The following UROC1 variants were observed in gnomAD, a reference collection of about 807,000 sequenced individuals.
The protein encoded by UROC1 is urocanate hydratase.
Under a neutral mutation model 89.5 loss-of-function variants are expected in UROC1, and 79 were observed. That is an observed-to-expected ratio of 0.88 (90% confidence interval 0.74 to 1.06). UROC1 has a LOEUF of 1.06. UROC1 is among the 50% of genes least tolerant of loss of function. The pLI is 0.00. For missense variants in UROC1, 885 were observed against 907.8 expected, an observed-to-expected ratio of 0.97 and a Z score of 0.32; for synonymous variants, 361 against 354.8, an observed-to-expected ratio of 1.02 and a Z score of -0.20.
chr3:126,500,325 C>T (rs1295205152), intron 11 of UROC1, among the ~76,000 whole-genome samples, 171 bp from the exon 12 acceptor site: 1 of 152,232 alleles, frequency 6.6e-6, no homozygotes, highest in Non-Finnish European at 1.5e-5. Context: ...CCCCTGTCAT[C>T]TGTTTAGAAC....
At chr3:126,502,195 C>A (rs191159586) in intron 9 of UROC1, among the ~76,000 whole-genome samples, 4 of 150,766 alleles carry the variant, frequency 2.7e-5, no homozygotes, top group Non-Finnish European at 5.9e-5. Context: ...GTGTGTGTTG[C>A]GTGTGTTTGT....
At chr3:126,485,567 C>CT (rs1275028951) in intron 18 of UROC1, among the ~76,000 whole-genome samples, 2 of 150,490 alleles carry the variant, frequency 1.3e-5, no homozygotes, top group Non-Finnish European at 3.0e-5. Context: ...CCCACACCTG[C>CT]TTTTTTTTCT....
At position 126,500,737 on chromosome 3, in the gene UROC1, A is replaced by T. The variant is rs370883996; in HGVS notation, c.1103T>A (p.Met368Lys). The T allele has an allele frequency of 3.2e-5, 52 of 1,614,002 alleles. No homozygotes were observed. Among genetic ancestry groups the T allele is most frequent in the Non-Finnish European group, 4.3e-5 (51 of 1,180,040 alleles). Residue 368 changes from methionine to lysine, a missense_variant, in exon 11 of 20, where the codon ATG (methionine) becomes AAG (lysine). Transcript: ENST00000290868. The stretch of plus-strand genomic sequence containing the variant: ...CTTGAACACAGCAGGGTTGGAGGCC[A>T]TGAGGCTCTGGGCCTCCGTGAAGCT... ...QLSFTEAQSL[M>K]ASNPAVFKDL...
At chr3:126,506,970 T>C (rs1936075785) in intron 6 of UROC1, among the ~76,000 whole-genome samples, 1 of 151,958 alleles carries the variant, frequency 6.6e-6, no homozygotes, top group African/African-American at 2.4e-5. Flanking sequence ...TCCCAGCTAC[T>C]TGGGAGGCTG....
chr3:126,502,732 G>A (rs1378018438), intron 9 of UROC1, among the ~76,000 whole-genome samples: 1 of 147,062 alleles, frequency 6.8e-6, no homozygotes, highest in Non-Finnish European at 1.5e-5. Context: ...TTATGTGTCT[G>A]TTTATGTGCA....
chr3:126,504,161 T>A (rs1485188722), intron 8 of UROC1, 78 bp from the exon 9 acceptor site: 5 of 1,451,536 alleles, frequency 3.4e-6, no homozygotes, highest in Non-Finnish European at 4.8e-6. Flanking sequence ...CATCCTCAAC[T>A]AGGAAGGTGT....
intron 18 of UROC1, among the ~76,000 whole-genome samples, chr3:126,487,124 C>T: frequency 6.6e-6 from 1 of 152,166 alleles, no homozygotes; most frequent in South Asian, 2.1e-4. Flanking sequence ...GCTGTCCCTG[C>T]CCTAAGGCCC....
chr3:126,489,150 G>T lies in UROC1; in HGVS notation c.1708+126C>A, dbSNP rs1201639540. On this transcript the variant is annotated intron_variant, in intron 17 of 19. Coordinates refer to ENST00000290868, the MANE Select transcript of UROC1 (RefSeq NM_144639.3). ...CCCAGACCCCCTCAGTCCTGGGTTG[G>T]TCACTCTATGCCGAGCCTCTCAGGT... 4.4e-6 allele frequency: 4 copies of T among 918,672 alleles called. No homozygotes were observed. In the East Asian group the frequency reaches 1.0e-4, roughly 23 times the overall value. The allele number at this position is 918,672 out of a possible 1,614,324, so 56.9% of individuals were successfully genotyped here.
At chr3:126,513,791 TG>T (rs1406441733) in intron 1 of UROC1, among the ~76,000 whole-genome samples, 1 of 150,874 alleles carries the variant, frequency 6.6e-6, no homozygotes, top group Non-Finnish European at 1.5e-5. Context: ...CTATACTCTG[TG>T]GGGGGCATAG....
intron 16 of UROC1, among the ~76,000 whole-genome samples, chr3:126,491,295 C>T (rs1353480749): frequency 6.6e-6 from 1 of 152,268 alleles, no homozygotes. Context: ...ACGTCAGTCA[C>T]CCTTCACCAC....
chr3:126,500,020 T>A, intron 12 of UROC1, 37 bp downstream of exon 12: 1 of 1,582,264 alleles, frequency 6.3e-7, no homozygotes. Flanking sequence ...CCCAGGGTGG[T>A]GGCCCCTCCC....
rs541024412 is a variant in UROC1, at chr3:126,489,367, C to A, written c.1617G>T (p.Val539=). ...CGTCATGGTGATCTCGGCTCAGGAC[C>A]ACCGGCGCCTGTGCATGGAAGGACA... ...AIACRRIKAP[V]VLSRDHHDVS... is the part of the protein sequence containing the mutation. Residue 539 remains valine (V), a synonymous_variant, in exon 17 of 20, where the codon GTG becomes GTT. Transcript: ENST00000290868. 2 of 1,611,988 alleles carry A rather than the reference C, an allele frequency of 1.2e-6. No homozygotes were observed. Among genetic ancestry groups the A allele is most frequent in the Non-Finnish European group, 8.5e-7 (1 of 1,179,964 alleles).
chr3:126,500,909 ACACAGCCTGGGC>A (rs139417364), intron 10 of UROC1, 35 bp from the exon 11 acceptor site: 450,101 of 1,607,422 alleles, frequency 0.28, 66,314 homozygotes, highest in Middle Eastern at 0.31. Context: ...TGCAAGCCAC[ACACAGCCTGGGC>A]CCAGAGTCTG....
intron 6 of UROC1, 124 bp downstream of exon 6, chr3:126,507,618 T>G: frequency 1.9e-6 from 2 of 1,039,278 alleles, no homozygotes; most frequent in Non-Finnish European, 3.0e-6. Flanking sequence ...AAAAATAAAA[T>G]TAATTATGCT....
chr3:126,504,038 T>C lies in UROC1; in HGVS notation c.859A>G (p.Met287Val). Residue 287 changes from methionine to valine, a missense_variant, in exon 9 of 20, where the codon ATG (methionine) becomes GTG (valine). Coordinates refer to ENST00000290868, the MANE Select transcript of UROC1 (RefSeq NM_144639.3). ...LEKRHRQGWL[M>V]EVTDSLDRCI... The stretch of plus-strand genomic sequence containing the variant: ...CGGTCCAAGCTGTCAGTCACTTCCA[T>C]CAGCCAGCCCTGCCTGTGGCGTTTC... The C allele has an allele frequency of 6.2e-7, 1 of 1,614,156 alleles. No individual in the cohort carries two copies. The highest frequency in any genetic ancestry group is 1.3e-5 in the African/African-American group (1 of 75,042).
Position 126,507,962 on chromosome 3 carries a change from C to T in UROC1, c.540+5G>A, listed in dbSNP as rs751117526. On this transcript the variant is annotated splice_donor_5th_base_variant and intron_variant, in intron 5 of 19. Transcript: ENST00000290868. The stretch of plus-strand genomic sequence containing the variant: ...CAGGTGCTGTGCCACCTGCTGGGGA[C>T]CCACCATCCCATTGGTGATGACGAG... The T allele has an allele frequency of 1.2e-6, 2 of 1,613,848 alleles. No individual in the cohort carries two copies. Among genetic ancestry groups the T allele is most frequent in the Non-Finnish European group, 1.7e-6 (2 of 1,180,020 alleles).
chr3:126,506,734 C>T (rs996443089), intron 6 of UROC1, among the ~76,000 whole-genome samples: 12 of 152,264 alleles, frequency 7.9e-5, no homozygotes, highest in Admixed American at 3.9e-4. Flanking sequence ...GAATCTAGGA[C>T]GTAAGAGGGA....
chr3:126,501,405 G>T (rs560444562), intron 9 of UROC1, 125 bp from the exon 10 acceptor site: 2 of 1,163,658 alleles, frequency 1.7e-6, no homozygotes, highest in Non-Finnish European at 1.3e-6. Flanking sequence ...GTGTGCAAAC[G>T]TGGGGGCCAT....
rs540495239 is a variant in UROC1 at position 126,496,080 on chromosome 3, C to G, written c.1467G>C (p.Met489Ile). Residue 489 changes from methionine (M) to isoleucine (I), a missense_variant, in exon 15 of 20, where the codon ATG becomes ATC. Met to Ile is a conservative substitution (Grantham distance 10). Coordinates refer to ENST00000290868, the MANE Select transcript of UROC1 (RefSeq NM_144639.3). ...CCTCCCGGATCCAGCGGATGTTGTC[C>G]ATGTACTGCAGCTTCACAGACACCT... ...GVKVSVKLQY[M>I]DNIRWIREAA... 3.8e-5 allele frequency: 61 copies of G among 1,613,464 alleles called. No individual in the cohort carries two copies. In the South Asian group the frequency reaches 6.4e-4, roughly 17 times the overall value.
Sources: allele counts gnomAD v4.1 joint callset (sites outside exome capture counted in the v4.1 genomes callset), GRCh38; gene constraint gnomAD v4.1.1; transcripts MANE v1.5; gene names NCBI Gene and HGNC (gene_info 2026-07-23, HGNC 2026-07-21).